Variants in SPOCK3 observed in about 807,000 individuals in gnomAD.
SPOCK3 encodes the protein SPARC (osteonectin), cwcv and kazal like domains proteoglycan 3, also known as testican-3.
A neutral mutation model predicts 56.6 loss-of-function variants in SPOCK3; 30 were observed. The ratio of observed to expected loss-of-function variants is 0.53; its 90% confidence interval spans 0.40 to 0.72. SPOCK3 has a LOEUF of 0.72. Ranked by LOEUF, SPOCK3 falls within the 30% of genes least tolerant of loss-of-function variation. The pLI, the probability that SPOCK3 is intolerant of heterozygous loss-of-function variation, is 0.00. For missense variants in SPOCK3, 527 were observed against 530.0 expected (o/e 0.99, Z 0.06); for synonymous variants, 196 against 183.3 (o/e 1.07, Z -0.56).
intron 6 of SPOCK3, among the ~76,000 whole-genome samples, chr4:166,878,625 C>T (rs1316560155): frequency 1.3e-5 from 2 of 151,956 alleles, no homozygotes; most frequent in Non-Finnish European, 2.9e-5. Flanking sequence ...TATATCTCTG[C>T]TTGGTAAAAA....
At chr4:166,856,066 A>C (rs1341711583) in intron 6 of SPOCK3, among the ~76,000 whole-genome samples, 2 of 152,222 alleles carry the variant, frequency 1.3e-5, no homozygotes, top group African/African-American at 2.4e-5. Context: ...GACAGAAAGA[A>C]AGACAAATAT....
chr4:166,767,569 T>C (rs759696296), intron 7 of SPOCK3, among the ~76,000 whole-genome samples: 1 of 152,232 alleles, frequency 6.6e-6, no homozygotes, highest in Non-Finnish European at 1.5e-5. Context: ...TGTTATAATT[T>C]CTGTTCTTTT....
chr4:167,177,815 T>A (rs992211531), intron 2 of SPOCK3, among the ~76,000 whole-genome samples: 1 of 152,144 alleles, frequency 6.6e-6, no homozygotes, highest in Non-Finnish European at 1.5e-5. Context: ...CTGATGTTGA[T>A]GTTCTGTGAG....
At chr4:166,901,090 T>C (rs1189879092) in intron 5 of SPOCK3, among the ~76,000 whole-genome samples, 2 of 152,254 alleles carry the variant, frequency 1.3e-5, no homozygotes, top group South Asian at 2.1e-4. Flanking sequence ...CAGAGAAGTC[T>C]AGAAACAGGA....
intron 4 of SPOCK3, among the ~76,000 whole-genome samples, chr4:166,999,941 C>G (rs772448142): frequency 1.3e-5 from 2 of 152,160 alleles, no homozygotes; most frequent in African/African-American, 4.8e-5. Context: ...GACTTTTAAT[C>G]TCTTTTTATG....
chr4:167,182,673 A>C (rs1236129187), intron 2 of SPOCK3, among the ~76,000 whole-genome samples: 1 of 151,848 alleles, frequency 6.6e-6, no homozygotes, highest in Non-Finnish European at 1.5e-5. Flanking sequence ...CTGAGTAGGT[A>C]GGATGGCCCG....
intron 6 of SPOCK3, among the ~76,000 whole-genome samples, chr4:166,860,444 C>T (rs547100206): frequency 4.1e-4 from 62 of 151,508 alleles, no homozygotes; most frequent in African/African-American, 1.4e-3. Flanking sequence ...AAAAAGGAAG[C>T]GAGAAAGAGG....
intron 6 of SPOCK3, among the ~76,000 whole-genome samples, chr4:166,856,842 A>G (rs1730739906): frequency 6.6e-6 from 1 of 151,670 alleles, no homozygotes; most frequent in Admixed American, 6.6e-5. Flanking sequence ...CTCTCTATAT[A>G]TAGATAGATA....
At chr4:166,920,508 A>G (rs1738366329) in intron 4 of SPOCK3, among the ~76,000 whole-genome samples, 1 of 152,208 alleles carries the variant, frequency 6.6e-6, no homozygotes, top group Non-Finnish European at 1.5e-5. Context: ...CAAGCTTTCA[A>G]CCATTAACTG....
rs867665457 is a variant in SPOCK3 at position 167,108,999 on chromosome 4, T to A, written c.190-46462A>T. Among the ~76,000 whole-genome samples the A allele has an allele frequency of 5.8e-4, 44 of 75,384 alleles. 2 individuals are homozygous for A. Among genetic ancestry groups the A allele is most frequent in the South Asian group, 9.5e-4 (3 of 3,172 alleles). The allele number at this position is 75,384 out of a possible 152,430, so 49.5% of individuals were successfully genotyped here. A position where few individuals can be genotyped will look rare whatever the true frequency, so the allele number is the denominator to read the frequency against. ...AATATTATAAATATATATTTATATA[T>A]ATATAAATATATACTTATATAAAAA... is the stretch of plus-strand genomic sequence containing the variant. On this transcript the variant is annotated intron_variant, in intron 2 of 10. Transcript: ENST00000357545.
chr4:166,839,204 T>C (rs1387735633), intron 6 of SPOCK3, among the ~76,000 whole-genome samples: 1 of 152,256 alleles, frequency 6.6e-6, no homozygotes, highest in Admixed American at 6.5e-5. Context: ...ATCTCATTAC[T>C]GCCAGGTGGT....
chr4:167,033,248 T>C (rs977928374), intron 3 of SPOCK3, among the ~76,000 whole-genome samples: 25 of 151,448 alleles, frequency 1.7e-4, no homozygotes, highest in Admixed American at 5.3e-4. Flanking sequence ...CTGAGCATTT[T>C]TAAGAGCTTA....
At chr4:167,158,484 T>C (rs1339071591) in intron 2 of SPOCK3, among the ~76,000 whole-genome samples, 1 of 151,982 alleles carries the variant, frequency 6.6e-6, no homozygotes, top group Non-Finnish European at 1.5e-5. Flanking sequence ...TGAAGTACAG[T>C]AGAGTTTTGT....
chr4:166,847,261 C>T (rs1748151681), intron 6 of SPOCK3, among the ~76,000 whole-genome samples: 1 of 152,022 alleles, frequency 6.6e-6, no homozygotes. Context: ...AGCTAAGCAA[C>T]TTTGGAGATT....
rs759714366 is a variant in SPOCK3, at chr4:166,754,501, C to A, written c.931+7G>T. On this transcript the variant is annotated splice_region_variant and intron_variant, in intron 8 of 10. Coordinates refer to ENST00000357545, the MANE Select transcript of SPOCK3 (RefSeq NM_001040159.2). ...CTATTTGCGTCTGTAAGGGTCTCAT[C>A]TTTTACCTTGCTGTCTCTGGAAGCA... The A allele has an allele frequency of 8.1e-6, 13 of 1,610,954 alleles. No homozygotes were observed. In the African/African-American group the frequency reaches 1.5e-4, roughly 18 times the overall value.
chr4:166,939,196 A>G (rs1489816797), intron 4 of SPOCK3, among the ~76,000 whole-genome samples: 2 of 152,110 alleles, frequency 1.3e-5, no homozygotes, highest in Admixed American at 1.3e-4. Flanking sequence ...ATAATTAAAA[A>G]CTAGGTGATG....
chr4:166,987,418 T>C (rs1404605021), intron 4 of SPOCK3, among the ~76,000 whole-genome samples: 1 of 152,220 alleles, frequency 6.6e-6, no homozygotes, highest in Non-Finnish European at 1.5e-5. Context: ...GCCTTGTCAT[T>C]GATCACTATC....
At chr4:167,009,022 A>T (rs1016755307) in intron 3 of SPOCK3, among the ~76,000 whole-genome samples, 4 of 152,116 alleles carry the variant, frequency 2.6e-5, no homozygotes, top group African/African-American at 7.2e-5. Flanking sequence ...CCCCTAAAAA[A>T]TTTTAAAAAA....
intron 3 of SPOCK3, among the ~76,000 whole-genome samples, chr4:167,055,592 C>G (rs1486120696): frequency 1.3e-5 from 2 of 152,308 alleles, no homozygotes; most frequent in East Asian, 1.9e-4. Flanking sequence ...TCGGGTCACT[C>G]TCACCTGAAT....
Sources: allele counts gnomAD v4.1 joint callset (sites outside exome capture counted in the v4.1 genomes callset), GRCh38; gene constraint gnomAD v4.1.1; transcripts MANE v1.5; gene names NCBI Gene and HGNC (gene_info 2026-07-23, HGNC 2026-07-21).